The following NOS1 variants were observed in gnomAD, a reference collection of about 807,000 sequenced individuals.
NOS1 encodes nitric oxide synthase 1, also known as NOS type I.
In NOS1, 51 loss-of-function variants were observed where a neutral mutation model predicts 164.5. The observed-to-expected ratio is 0.31, with a 90% CI of 0.25 to 0.39. NOS1 has a LOEUF of 0.39. Among genes scored for constraint, NOS1 ranks in the 10% least tolerant of loss-of-function variants. NOS1 has a pLI of 1.00. For synonymous variants in NOS1, 719 were observed against 745.8 expected (o/e 0.96, Z 0.59); for missense variants, 1,362 against 1,885.6 (o/e 0.72, Z 5.14).
intron 17 of NOS1, among the ~76,000 whole-genome samples, chr12:117,251,688 C>G (rs1277240606): frequency 6.6e-6 from 1 of 151,520 alleles, no homozygotes; most frequent in African/African-American, 2.4e-5. Context: ...ACCTTGGCCT[C>G]CCAAAGTGCT....
At chr12:117,358,264 T>C (rs1179315258) in intron 1 of NOS1, among the ~76,000 whole-genome samples, 1 of 152,174 alleles carries the variant, frequency 6.6e-6, no homozygotes, top group East Asian at 1.9e-4. Flanking sequence ...GAATGGTACC[T>C]CGGACAACTC....
intron 13 of NOS1, among the ~76,000 whole-genome samples, chr12:117,261,118 G>A (rs868820206): frequency 1.4e-5 from 2 of 141,546 alleles, no homozygotes; most frequent in Admixed American, 7.4e-5. Context: ...GCAGTGAGCC[G>A]AGATCGCACC....
chr12:117,321,934 CTCCCTCTCTCCTTCCT>C (rs1874949839), intron 2 of NOS1, among the ~76,000 whole-genome samples: 2 of 139,164 alleles, frequency 1.4e-5, no homozygotes, highest in African/African-American at 5.4e-5. Context: ...CCTTCCTTCC[CTCCCTCTCTCCTTCCT>C]TCCCTCCCTC....
chr12:117,304,946 T>C (rs377656827), intron 3 of NOS1: 22 of 922,900 alleles, frequency 2.4e-5, no homozygotes, highest in Middle Eastern at 5.5e-4. Flanking sequence ...TTCTTCCTCA[T>C]GTCTAACCTG....
intron 4 of NOS1, 65 bp from the exon 5 acceptor site, chr12:117,288,284 G>C: frequency 6.6e-7 from 1 of 1,510,162 alleles, no homozygotes; most frequent in Non-Finnish European, 9.0e-7. Context: ...GTTAGGCTGT[G>C]GGCTTGGATC....
At chr12:117,231,048 C>T (rs1017886462) in intron 22 of NOS1, among the ~76,000 whole-genome samples, 6 of 151,922 alleles carry the variant, frequency 3.9e-5, no homozygotes, top group East Asian at 1.9e-4. Context: ...AGATCTAGGC[C>T]GGGTGCAGTG....
At chr12:117,308,928 A>T (rs1874294802) in intron 3 of NOS1, among the ~76,000 whole-genome samples, 1 of 152,182 alleles carries the variant, frequency 6.6e-6, no homozygotes, top group Non-Finnish European at 1.5e-5. Flanking sequence ...GAAGCTGTAG[A>T]TATATTTATG....
intron 1 of NOS1, among the ~76,000 whole-genome samples, chr12:117,332,187 T>C (rs950886434): frequency 1.3e-5 from 2 of 152,214 alleles, no homozygotes; most frequent in Admixed American, 6.5e-5. Context: ...AGGCACTCAA[T>C]GAACATTCGT....
intron 1 of NOS1, among the ~76,000 whole-genome samples, chr12:117,335,884 AGTT>A (rs1875796529): frequency 6.6e-6 from 1 of 151,948 alleles, no homozygotes. Flanking sequence ...ACACCAAGCT[AGTT>A]GTTTTTATAT....
At chr12:117,314,697 C>T (rs1874594745) in intron 2 of NOS1, among the ~76,000 whole-genome samples, 1 of 152,156 alleles carries the variant, frequency 6.6e-6, no homozygotes, top group South Asian at 2.1e-4. Context: ...ACCTCTGCCT[C>T]CCAGGTTCAA....
intron 2 of NOS1, 108 bp from the exon 3 acceptor site, chr12:117,311,700 A>T (rs555828677): frequency 8.2e-7 from 1 of 1,220,346 alleles, no homozygotes. Flanking sequence ...GCTCACTCAC[A>T]TAACTCCATA....
Position 117,272,304 on chromosome 12 carries a change from C to A in NOS1, c.1839+81G>T. The A allele has an allele frequency of 6.6e-7, 1 of 1,515,344 alleles. No individual in the cohort carries two copies. The highest frequency in any genetic ancestry group is 9.1e-7 in the Non-Finnish European group (1 of 1,098,702). 93.9% of individuals were successfully genotyped at this position (1,515,344 alleles called of 1,614,324 possible). ...CCCTTCAAGTTTCCAAGCCACCAAG[C>A]TCGCCGTGGGGAAGGGGACTGCTGA... is the stretch of plus-strand genomic sequence containing the variant. On this transcript the variant is annotated intron_variant, in intron 10 of 28. Coordinates refer to ENST00000317775, the MANE Select transcript of NOS1 (RefSeq NM_000620.5). This position sits in a 1 kb window ranked among gnomAD's most constrained non-coding sequence, Gnocchi z 4.3.
In NOS1 at chr12:117,209,309, A is replaced by G. The variant is rs1592911650; in HGVS notation, c.*6000T>C. 3.1e-6 allele frequency: 3 copies of G among 956,404 alleles called. 1 individual carries two copies. Among genetic ancestry groups the G allele is most frequent in the South Asian group, 9.6e-5 (2 of 20,746 alleles). 59.2% of individuals were successfully genotyped at this position (956,404 alleles called of 1,614,324 possible). Reference sequence around the variant, plus strand: ...ACTGCTACAGGTATCTTGTGGATGGAGGCCAGGAATGCTGCTCAGCTTCCT... The same window carrying G: ...ACTGCTACAGGTATCTTGTGGATGGGGGCCAGGAATGCTGCTCAGCTTCCT... On this transcript the variant is annotated 3_prime_UTR_variant, in exon 29 of 29. Coordinates refer to ENST00000317775, the MANE Select transcript of NOS1 (RefSeq NM_000620.5).
Position 117,232,131 on chromosome 12 carries a change from C to T in NOS1, c.3236G>A (p.Gly1079Asp), listed in dbSNP as rs774230846. 2 of 1,611,550 alleles carry T rather than the reference C, an allele frequency of 1.2e-6. No homozygotes were observed. Among genetic ancestry groups the T allele is most frequent in the East Asian group, 2.2e-5 (1 of 44,880 alleles). ...CTCGTCTGTCCAGTTACTGATGACA[C>T]CTGTGGAGGTACAAGGCAGGTGACA... Reference protein sequence around the residue: ...ELLEERNTALGVISNWTDELR... With the variant: ...ELLEERNTALDVISNWTDELR... The change falls in exon 22 of 29, where the codon GGT becomes GAT. Residue 1079 changes from glycine to aspartate, a missense_variant and splice_region_variant. Coordinates refer to ENST00000317775, the MANE Select transcript of NOS1 (RefSeq NM_000620.5).
chr12:117,353,232 TCTAC>T (rs1341333170), intron 1 of NOS1, among the ~76,000 whole-genome samples: 1 of 152,122 alleles, frequency 6.6e-6, no homozygotes, highest in African/African-American at 2.4e-5. Context: ...CATCTATCTA[TCTAC>T]CCATCTATCA....
chr12:117,259,055 C>T lies in NOS1; in HGVS notation c.2443G>A (p.Gly815Ser). Residue 815 changes from glycine to serine, a missense_variant, in exon 15 of 29, where the codon GGC becomes AGC. Transcript: ENST00000317775. ...TLVLVVTSTF[G>S]NGDPPENGEK... ...CCATTCTCAGGGGGATCTCCATTGC[C>T]AAAGGTGCTGGTGACCACAAGGACC... The T allele has an allele frequency of 3.1e-6, 5 of 1,614,034 alleles. No individual in the cohort carries two copies. The highest frequency in any genetic ancestry group is 4.2e-6 in the Non-Finnish European group (5 of 1,179,960).
chr12:117,264,101 G>A (rs902172930), intron 12 of NOS1, 127 bp from the exon 13 acceptor site: 8 of 360,790 alleles, frequency 2.2e-5, no homozygotes, highest in Non-Finnish European at 4.1e-5. Flanking sequence ...GAAGAATTCT[G>A]CCCAGTGGTG....
At chr12:117,253,507 G>A (rs1871236107) in intron 17 of NOS1, 131 bp downstream of exon 17, 2 of 676,800 alleles carry the variant, frequency 3.0e-6, no homozygotes, top group East Asian at 2.5e-5. Context: ...AGACAGCCAG[G>A]ATGCAGCTGG....
intron 3 of NOS1, among the ~76,000 whole-genome samples, chr12:117,305,412 G>A (rs917699308): frequency 6.6e-6 from 1 of 151,556 alleles, no homozygotes; most frequent in South Asian, 2.1e-4. Flanking sequence ...TGCAGTGAGC[G>A]GAGATCGCGT....
Sources: allele counts gnomAD v4.1 joint callset (sites outside exome capture counted in the v4.1 genomes callset), GRCh38; gene constraint gnomAD v4.1.1; non-coding constraint Gnocchi (gnomAD v3.1); transcripts MANE v1.5; gene names NCBI Gene and HGNC (gene_info 2026-07-23, HGNC 2026-07-21).